Variants in EIF3C observed in about 807,000 individuals in gnomAD.
The protein encoded by EIF3C is cell migration-inducing protein 17.
EIF3C carries 2 observed loss-of-function variants against 11.1 expected under a neutral mutation model. The observed-to-expected ratio is 0.18, with a 90% CI of 0.07 to 0.57. EIF3C has a LOEUF of 0.57. Among genes scored for constraint, EIF3C ranks in the 20% least tolerant of loss-of-function variants. EIF3C has a pLI of 0.92. For missense variants in EIF3C, 16 were observed against 114.6 expected, an observed-to-expected ratio of 0.14 and a Z score of 3.93; for synonymous variants, 2 against 41.5, an observed-to-expected ratio of 0.05 and a Z score of 3.66.
At chr16:28,722,572 GGTCA>G (rs1429241691) in intron 8 of EIF3C, 1 of 70,392 alleles carries the variant, frequency 1.4e-5, no homozygotes, top group Non-Finnish European at 3.1e-5. Context: ...TTGATTAGTT[GGTCA>G]GTCTGGAGAA....
intron 15 of EIF3C, among the ~76,000 whole-genome samples, chr16:28,728,485 A>G (rs1271723998): frequency 5.5e-5 from 4 of 72,788 alleles, no homozygotes; most frequent in Non-Finnish European, 9.9e-5. Context: ...TTGTGTGTGT[A>G]TCTTTTAGGG....
At chr16:28,729,138 C>T (rs1282442737) in intron 15 of EIF3C, among the ~76,000 whole-genome samples, 1 of 12,788 alleles carries the variant, frequency 7.8e-5, no homozygotes, top group East Asian at 9.3e-4. Flanking sequence ...TGCAGTGGCG[C>T]GATCTTGACG....
chr16:28,732,470 TGTACCTCTG>T (rs1353419538), intron 16 of EIF3C, among the ~76,000 whole-genome samples: 1 of 53,272 alleles, frequency 1.9e-5, no homozygotes. Context: ...GCAGCTCATG[TGTACCTCTG>T]ATCTTTCTTT....
At position 28,728,493 on chromosome 16, in the gene EIF3C, GGGGGTGTGTGTGTGTGTATCTTTTA is replaced by G. The variant is rs766855159; in HGVS notation, c.1818+1266_1818+1290del. On this transcript the variant is annotated intron_variant, in intron 15 of 20. Transcript: ENST00000331666. The stretch of plus-strand genomic sequence containing the variant: ...TTAGGGGTTGTGTGTGTATCTTTTA[GGGGGTGTGTGTGTGTGTATCTTTTA>G]GGGGTGTGTGTGTGTGTGTGTGTGT... Among the ~76,000 whole-genome samples the G allele has an allele frequency of 5.8e-3, 467 of 80,298 alleles. 10 individuals carry two copies. The highest frequency in any genetic ancestry group is 0.014 in the African/African-American group (367 of 25,812). 52.7% of individuals were successfully genotyped at this position (80,298 alleles called of 152,430 possible).
At chr16:28,697,906 G>A (rs1355742333) in intron 1 of EIF3C, among the ~76,000 whole-genome samples, 8 of 97,130 alleles carry the variant, frequency 8.2e-5, no homozygotes, top group South Asian at 6.8e-4. Flanking sequence ...GGGGCGGCTG[G>A]CCGGGCAGAG....
intron 1 of EIF3C, among the ~76,000 whole-genome samples, chr16:28,698,401 T>C (rs2048256764): frequency 1.1e-5 from 1 of 89,440 alleles, no homozygotes; most frequent in Non-Finnish European, 2.1e-5. Flanking sequence ...CCCACCTCCC[T>C]CCCGGACGGC....
chr16:28,712,173 C>T (rs1776637833), intron 2 of EIF3C: 3 of 71,274 alleles, frequency 4.2e-5, no homozygotes, highest in Non-Finnish European at 9.0e-5. Flanking sequence ...CCTGATGCGA[C>T]TCTGAAGTCT....
At chr16:28,699,967 C>T (rs1221180568) in intron 1 of EIF3C, among the ~76,000 whole-genome samples, 1 of 48,592 alleles carries the variant, frequency 2.1e-5, no homozygotes, top group Non-Finnish European at 3.9e-5. Context: ...CACCTAGTGG[C>T]TGGGGACCCT....
chr16:28,700,965 A>T (rs2048278283), intron 1 of EIF3C: 1 of 183,150 alleles, frequency 5.5e-6, no homozygotes, highest in Non-Finnish European at 9.4e-6. Context: ...CAATGGCATG[A>T]TCTTGGCTCA....
intron 1 of EIF3C, among the ~76,000 whole-genome samples, chr16:28,699,330 C>T (rs2048266351): frequency 1.7e-5 from 1 of 59,916 alleles, no homozygotes; most frequent in Non-Finnish European, 3.0e-5. Context: ...GGCGTGGCGG[C>T]GCGTGCCTGC....
chr16:28,697,176 A>T (rs1325573347), intron 1 of EIF3C, among the ~76,000 whole-genome samples: 5 of 19,598 alleles, frequency 2.6e-4, no homozygotes, highest in Non-Finnish European at 4.3e-4. Flanking sequence ...TGCAAACTTT[A>T]TTTGAGTTTT....
At chr16:28,698,600 G>A (rs1196519458) in intron 1 of EIF3C, among the ~76,000 whole-genome samples, 2 of 95,288 alleles carry the variant, frequency 2.1e-5, no homozygotes, top group African/African-American at 8.7e-5. Flanking sequence ...CCCAGATGGG[G>A]TGGCTGCCGG....
At position 28,697,185 on chromosome 16, in the gene EIF3C, T is replaced by G. The variant is rs2048243533; in HGVS notation, c.-31+8357T>G. On this transcript the variant is annotated intron_variant, in intron 1 of 20. Transcript: ENST00000566501. ...CTAAAGTGCAAACTTTATTTGAGTTTTTTTTTTTTTAATTTATTTTTTTAT... is the reference window on the plus strand; with the variant it reads ...CTAAAGTGCAAACTTTATTTGAGTTGTTTTTTTTTTAATTTATTTTTTTAT... Among the ~76,000 whole-genome samples, 2 of 36,370 alleles carry G rather than the reference T, an allele frequency of 5.5e-5. 1 individual carries two copies. The highest frequency in any genetic ancestry group is 9.2e-5 in the Non-Finnish European group (2 of 21,844). 23.9% of individuals were successfully genotyped at this position (36,370 alleles called of 152,430 possible).
intron 1 of EIF3C, among the ~76,000 whole-genome samples, chr16:28,698,102 C>T (rs1177216282): frequency 2.4e-5 from 2 of 83,642 alleles, no homozygotes; most frequent in African/African-American, 1.1e-4. Flanking sequence ...ACCTCCCGGA[C>T]GGGGCGGCTG....
In EIF3C at chr16:28,696,095, G is replaced by A. The variant is rs1212361296; in HGVS notation, c.-31+7267G>A. 3.8e-5 allele frequency among the ~76,000 whole-genome samples: 2 copies of A among 52,078 alleles called. 1 individual carries two copies. Among genetic ancestry groups the A allele is most frequent in the Non-Finnish European group, 6.9e-5 (2 of 28,836 alleles). 34.2% of individuals were successfully genotyped at this position (52,078 alleles called of 152,430 possible). On this transcript the variant is annotated intron_variant, in intron 1 of 20. Coordinates refer to the EIF3C transcript ENST00000566501. ...AAAGACTTACAAGGGGCCAGGTGGG[G>A]TGGCTCAGGCCTGTAATCCTAGCAT...
upstream of EIF3C, among the ~76,000 whole-genome samples, chr16:28,709,927 A>AG (rs1371345898): frequency 7.9e-5 from 3 of 37,850 alleles, no homozygotes; most frequent in Non-Finnish European, 1.6e-4. Flanking sequence ...CCATCTCAAA[A>AG]AAAAAAAAAA....
In EIF3C at chr16:28,697,828, C is replaced by T. The variant is rs1236466725; in HGVS notation, c.-31+9000C>T. 3.1e-5 allele frequency among the ~76,000 whole-genome samples: 3 copies of T among 96,056 alleles called. 1 individual carries two copies. Among genetic ancestry groups the T allele is most frequent in the Non-Finnish European group, 5.9e-5 (3 of 51,176 alleles). The allele number at this position is 96,056 out of a possible 152,430, so 63.0% of individuals were successfully genotyped here. A position where few individuals can be genotyped will look rare whatever the true frequency, so the allele number is the denominator to read the frequency against. ...CTCGCCGGGCAGGGGGGCTGACCCCCCCCACCTCCCTCCCGGACGGGGCGG... is the reference window on the plus strand; with the variant it reads ...CTCGCCGGGCAGGGGGGCTGACCCCTCCCACCTCCCTCCCGGACGGGGCGG... On this transcript the variant is annotated intron_variant, in intron 1 of 20. Coordinates refer to the EIF3C transcript ENST00000566501.
At position 28,689,201 on chromosome 16, in the gene EIF3C, G is replaced by A. The variant is rs1211764652; in HGVS notation, c.-31+373G>A. On this transcript the variant is annotated intron_variant, in intron 1 of 20. Transcript: ENST00000566501. ...TGGGATTACAGGCGTGAGCCACCACGCCCGGCCCCATGGGTGTTTTTTAGA... is the reference window on the plus strand; with the variant it reads ...TGGGATTACAGGCGTGAGCCACCACACCCGGCCCCATGGGTGTTTTTTAGA... 6.2e-5 allele frequency among the ~76,000 whole-genome samples: 3 copies of A among 48,252 alleles called. 1 individual carries two copies. Among genetic ancestry groups the A allele is most frequent in the African/African-American group, 5.2e-4 (3 of 5,760 alleles). The allele number at this position is 48,252 out of a possible 152,430, so 31.7% of individuals were successfully genotyped here. A position where few individuals can be genotyped will look rare whatever the true frequency, so the allele number is the denominator to read the frequency against.
At chr16:28,731,154 A>C (rs1239232010) in intron 15 of EIF3C, among the ~76,000 whole-genome samples, 1 of 52,222 alleles carries the variant, frequency 1.9e-5, no homozygotes, top group African/African-American at 9.9e-5. Context: ...AAAAAAAAAA[A>C]AAAAAACTCA....
Sources: gnomAD v4.1 joint callset for allele counts (sites outside exome capture counted in the v4.1 genomes callset) on GRCh38, gnomAD v4.1.1 for gene constraint, MANE v1.5 for transcripts, NCBI Gene and HGNC (gene_info 2026-07-23, HGNC 2026-07-21) for gene names.